The following ZNF385D variants were observed in gnomAD, a reference collection of about 807,000 sequenced individuals.
ZNF385D encodes zinc finger protein 659.
ZNF385D carries 15 observed loss-of-function variants against 35.8 expected under a neutral mutation model. The observed-to-expected ratio is 0.42, with a 90% CI of 0.28 to 0.64. The LOEUF is 0.64. Among genes scored for constraint, ZNF385D ranks in the 30% least tolerant of loss-of-function variants. ZNF385D has a pLI of 0.23. For missense variants in ZNF385D, 474 were observed against 494.6 expected, an observed-to-expected ratio of 0.96 and a Z score of 0.39; for synonymous variants, 212 against 186.8, an observed-to-expected ratio of 1.13 and a Z score of -1.10.
chr3:21,544,773 T>C (rs1051557492), intron 3 of ZNF385D, among the ~76,000 whole-genome samples: 1 of 152,222 alleles, frequency 6.6e-6, no homozygotes, highest in African/African-American at 2.4e-5. Flanking sequence ...AAATAACTTT[T>C]TGGCAATCTG....
intron 3 of ZNF385D, among the ~76,000 whole-genome samples, chr3:21,551,315 T>C (rs969885687): frequency 6.6e-6 from 1 of 152,222 alleles, no homozygotes; most frequent in Non-Finnish European, 1.5e-5. Context: ...GACATGAACA[T>C]TGTCCTTAGC....
chr3:22,260,606 G>A (rs1215266872), intron 2 of ZNF385D, among the ~76,000 whole-genome samples: 1 of 151,702 alleles, frequency 6.6e-6, no homozygotes, highest in African/African-American at 2.4e-5. Context: ...AAATTTGATA[G>A]GTATTTTAGA....
At chr3:21,787,192 G>T (rs959108703) in intron 3 of ZNF385D, among the ~76,000 whole-genome samples, 7 of 152,258 alleles carry the variant, frequency 4.6e-5, no homozygotes, top group Non-Finnish European at 1.0e-4. Context: ...ACTGATGAAA[G>T]ATCAGCTCAC....
intron 2 of ZNF385D, among the ~76,000 whole-genome samples, chr3:22,181,495 G>C (rs944643814): frequency 6.6e-6 from 1 of 152,040 alleles, no homozygotes; most frequent in African/African-American, 2.4e-5. Flanking sequence ...AGGAGATCGA[G>C]ACCATGCTGG....
rs1382685624 is a variant in ZNF385D at position 21,606,128 on chromosome 3, G to A, written c.166-41444C>T. The stretch of plus-strand genomic sequence containing the variant: ...AGGGACTGAGATGAGAGAAGTCAGA[G>A]AACATATTCTCCAAACACTCAAACC... On this transcript the variant is annotated intron_variant, in intron 2 of 7. Coordinates refer to ENST00000281523, the MANE Select transcript of ZNF385D (RefSeq NM_024697.3). 5.3e-5 allele frequency among the ~76,000 whole-genome samples: 8 copies of A among 152,130 alleles called. No homozygotes were observed. In the East Asian group the frequency reaches 1.5e-3, roughly 29 times the overall value.
At chr3:21,787,267 A>G (rs1365024706) in intron 3 of ZNF385D, among the ~76,000 whole-genome samples, 1 of 152,110 alleles carries the variant, frequency 6.6e-6, no homozygotes, top group Admixed American at 6.6e-5. Flanking sequence ...TGTGGGTGCA[A>G]ACAGAGAGCA....
intron 2 of ZNF385D, among the ~76,000 whole-genome samples, chr3:22,266,809 GACT>G (rs1157799544): frequency 6.6e-6 from 1 of 151,868 alleles, no homozygotes; most frequent in African/African-American, 2.4e-5. Context: ...GTAAAGTCCT[GACT>G]GTATGATGAT....
intron 3 of ZNF385D, among the ~76,000 whole-genome samples, chr3:22,025,330 CCT>C (rs1697471748): frequency 6.6e-6 from 1 of 152,160 alleles, no homozygotes; most frequent in African/African-American, 2.4e-5. Context: ...ACCCCCAAAA[CCT>C]CTGTTTGCTT....
At chr3:22,348,795 G>A (rs1695782834) in intron 2 of ZNF385D, among the ~76,000 whole-genome samples, 1 of 152,122 alleles carries the variant, frequency 6.6e-6, no homozygotes, top group African/African-American at 2.4e-5. Context: ...AAGGAGAGAG[G>A]CATGGTGATA....
At chr3:22,330,676 A>G (rs1309598368) in intron 2 of ZNF385D, among the ~76,000 whole-genome samples, 2 of 152,158 alleles carry the variant, frequency 1.3e-5, no homozygotes, top group South Asian at 2.1e-4. Context: ...GAGCTCCTCT[A>G]CACTGTGATG....
rs199882061 is a variant in ZNF385D at position 21,602,512 on chromosome 3, A to ATTTTTTTTTTTTTTTTTTTTTTTTTT, written c.166-37829_166-37828insAAAAAAAAAAAAAAAAAAAAAAAAAA. Among the ~76,000 whole-genome samples the ATTTTTTTTTTTTTTTTTTTTTTTTTT allele has an allele frequency of 8.9e-5, 8 of 90,208 alleles. 1 individual carries two copies. The highest frequency in any genetic ancestry group is 1.4e-4 in the Non-Finnish European group (7 of 49,936). The allele number at this position is 90,208 out of a possible 152,430, so 59.2% of individuals were successfully genotyped here. A position where few individuals can be genotyped will look rare whatever the true frequency, so the allele number is the denominator to read the frequency against. On this transcript the variant is annotated intron_variant, in intron 2 of 7. Coordinates refer to ENST00000281523, the MANE Select transcript of ZNF385D (RefSeq NM_024697.3). ...GAATTTAGGTCTCCTGTTTCCCTGCATTTTCTTTTTTTTTTTTTTTTTTTT... is the reference window on the plus strand; with the variant it reads ...GAATTTAGGTCTCCTGTTTCCCTGCATTTTTTTTTTTTTTTTTTTTTTTTTTTTTTCTTTTTTTTTTTTTTTTTTTT...
At chr3:21,453,776 T>G (rs931103363) in intron 4 of ZNF385D, among the ~76,000 whole-genome samples, 2 of 152,038 alleles carry the variant, frequency 1.3e-5, no homozygotes, top group Non-Finnish European at 2.9e-5. Context: ...TATAAAATGG[T>G]GCTGTCACTG....
At chr3:21,859,372 C>T (rs1696913609) in intron 3 of ZNF385D, among the ~76,000 whole-genome samples, 1 of 151,686 alleles carries the variant, frequency 6.6e-6, no homozygotes, top group Admixed American at 6.6e-5. Context: ...CTTTATCTTT[C>T]CTCTTAAGTA....
At chr3:21,531,757 A>G (rs1251501074) in intron 3 of ZNF385D, among the ~76,000 whole-genome samples, 1 of 152,166 alleles carries the variant, frequency 6.6e-6, no homozygotes, top group Non-Finnish European at 1.5e-5. Flanking sequence ...AGAAAAGATA[A>G]AAAGGTGGAA....
At chr3:21,954,466 CTCCTCAACCTGGAGGTT>C (rs1166551439) in intron 3 of ZNF385D, among the ~76,000 whole-genome samples, 1 of 151,998 alleles carries the variant, frequency 6.6e-6, no homozygotes, top group African/African-American at 2.4e-5. Context: ...CTTAGAATAA[CTCCTCAACCTGGAGGTT>C]TCTAAACTTT....
In ZNF385D at chr3:22,056,567, T is replaced by C. The variant is rs553647932; in HGVS notation, c.325+112250A>G. 5.3e-5 allele frequency among the ~76,000 whole-genome samples: 8 copies of C among 152,254 alleles called. No homozygotes were observed. The East Asian group carries it at 1.4e-3, about 26-fold the overall frequency. On this transcript the variant is annotated intron_variant, in intron 3 of 5. Coordinates refer to the ZNF385D transcript ENST00000494108. ...TTAAACAGAAAAGAAAGTTTAAAAA[T>C]GGTTCTGACCAAAAAACAAAACAAT... is the stretch of plus-strand genomic sequence containing the variant.
chr3:21,676,279 C>T (rs994852596), intron 1 of ZNF385D, among the ~76,000 whole-genome samples: 3 of 152,082 alleles, frequency 2.0e-5, no homozygotes, highest in African/African-American at 7.2e-5. Context: ...CAAAAAGATA[C>T]TCTGATTTCA....
At chr3:22,128,257 T>C (rs758678893) in intron 3 of ZNF385D, among the ~76,000 whole-genome samples, 34 of 152,198 alleles carry the variant, frequency 2.2e-4, no homozygotes, top group African/African-American at 3.4e-4. Context: ...GCCAGATGCA[T>C]TGGAGCTCTT....
At chr3:22,221,988 T>A (rs569512713) in intron 2 of ZNF385D, among the ~76,000 whole-genome samples, 44 of 152,176 alleles carry the variant, frequency 2.9e-4, no homozygotes, top group Admixed American at 1.1e-3. Context: ...CATTCCGATT[T>A]TTTTTTTTAA....
Sources: allele counts gnomAD v4.1 joint callset (sites outside exome capture counted in the v4.1 genomes callset), GRCh38; gene constraint gnomAD v4.1.1; transcripts MANE v1.5; gene names NCBI Gene and HGNC (gene_info 2026-07-23, HGNC 2026-07-21).